The following CDRT4 variants were observed in gnomAD, a reference collection of about 807,000 sequenced individuals.
CDRT4 encodes CMT1A duplicated region transcript 4, also known as CMT1A duplicated region transcript 4 protein.
For missense variants in CDRT4, 167 were observed against 193.1 expected, an observed-to-expected ratio of 0.87 and a Z score of 0.80; for synonymous variants, 64 against 69.6, an observed-to-expected ratio of 0.92 and a Z score of 0.40.
chr17:15,452,572 G>A (rs1979310505), intron 2 of CDRT4: 1 of 152,206 alleles, frequency 6.6e-6, no homozygotes, highest in African/African-American at 2.4e-5. Flanking sequence ...ATGGCTCCAG[G>A]GATATCTTCT....
At chr17:15,439,932 G>C (rs1001528567) in intron 3 of CDRT4, among the ~76,000 whole-genome samples, 1 of 151,990 alleles carries the variant, frequency 6.6e-6, no homozygotes, top group African/African-American at 2.4e-5. Flanking sequence ...ACACACTGGG[G>C]CCTGTTTGTG....
rs1465961586 is a variant in CDRT4, at chr17:15,442,836, G to A, written c.-47-2551C>T. Among the ~76,000 whole-genome samples, 4 of 152,204 alleles carry A rather than the reference G, an allele frequency of 2.6e-5. No homozygotes were observed. In the East Asian group the frequency reaches 7.7e-4, roughly 29 times the overall value. ...GGACTTGTTTGTTTGAAAATAACAG[G>A]AGACAAATAGTTGACATTAAGTCTG... On this transcript the variant is annotated intron_variant, in intron 2 of 3. Coordinates refer to ENST00000619038, the MANE Select transcript of CDRT4 (RefSeq NM_001204477.2).
At chr17:15,457,926 T>C (rs768450285) in intron 1 of CDRT4, among the ~76,000 whole-genome samples, 2 of 152,186 alleles carry the variant, frequency 1.3e-5, no homozygotes, top group Non-Finnish European at 2.9e-5. Context: ...CCAGCTTGTG[T>C]GCAAAGGCCG....
Position 15,450,043 on chromosome 17 carries a change from A to G in CDRT4, c.-48+2961T>C, listed in dbSNP as rs1049631780. Among the ~76,000 whole-genome samples the G allele has an allele frequency of 3.9e-5, 6 of 152,250 alleles. No homozygotes were observed. The highest frequency in any genetic ancestry group is 1.3e-4 in the Admixed American group (2 of 15,280). ...ATATGAGTGCAGGTGTCTTTTTGAT[A>G]AAATGATTTATATTCCTTCAGGTAG... On this transcript the variant is annotated intron_variant, in intron 2 of 3. Transcript: ENST00000619038. This position sits in a 1 kb window ranked among gnomAD's most constrained non-coding sequence, Gnocchi z 4.2.
chr17:15,440,423 A>G, intron 2 of CDRT4, 138 bp from the exon 3 acceptor site: 1 of 1,010,728 alleles, frequency 9.9e-7, no homozygotes, highest in South Asian at 1.6e-5. Context: ...AGAAGAGGAC[A>G]TGTTTTTTGT....
At chr17:15,462,584 G>A (rs1040653081) in intron 1 of CDRT4, among the ~76,000 whole-genome samples, 1 of 152,020 alleles carries the variant, frequency 6.6e-6, no homozygotes, top group Non-Finnish European at 1.5e-5. Context: ...TCATTCAGAA[G>A]AATACTATAC....
At chr17:15,445,100 C>T (rs896506865) in intron 2 of CDRT4, among the ~76,000 whole-genome samples, 9 of 152,146 alleles carry the variant, frequency 5.9e-5, no homozygotes, top group African/African-American at 2.2e-4. Flanking sequence ...CAAATCGACC[C>T]CACTCAGACT....
intron 1 of CDRT4, among the ~76,000 whole-genome samples, chr17:15,459,461 G>A (rs1258998954): frequency 8.6e-5 from 1 of 11,654 alleles, no homozygotes; most frequent in East Asian, 2.5e-3. Context: ...TTTTTTTTTT[G>A]TGAGACAGAG....
At chr17:15,438,314 C>G (rs1245389099) in intron 3 of CDRT4, 114 bp from the exon 4 acceptor site, 6 of 914,466 alleles carry the variant, frequency 6.6e-6, no homozygotes, top group Non-Finnish European at 1.7e-6. Flanking sequence ...TATTTTGCAC[C>G]CCTTGTATTC....
rs1327124057 is a variant in CDRT4 at position 15,464,633 on chromosome 17, A to T, written c.-130+2827T>A. On this transcript the variant is annotated intron_variant, in intron 1 of 3. Coordinates refer to ENST00000619038, the MANE Select transcript of CDRT4 (RefSeq NM_001204477.2). This position sits in a 1 kb window ranked among gnomAD's most constrained non-coding sequence, Gnocchi z 4.5. ...GCTTCCCTCTGCTCCCCTCTCCAGC[A>T]CTTTTCCAAATGTCCCTCCTTATGC... Among the ~76,000 whole-genome samples, 1 of 151,938 alleles carries T rather than the reference A, an allele frequency of 6.6e-6. No homozygotes were observed. Among genetic ancestry groups the T allele is most frequent in the Admixed American group, 6.6e-5 (1 of 15,248 alleles).
chr17:15,452,529 T>G (rs561288000), intron 2 of CDRT4: 3 of 152,270 alleles, frequency 2.0e-5, no homozygotes, highest in Non-Finnish European at 4.4e-5. Context: ...CAATATGTGC[T>G]TTTACCAGGG....
rs1037933177 is a variant in CDRT4 at position 15,438,057 on chromosome 17, C to T, written c.175G>A (p.Glu59Lys). 4.3e-6 allele frequency: 7 copies of T among 1,613,994 alleles called. No homozygotes were observed. The Admixed American group carries it at 5.0e-5, about 12-fold the overall frequency. Residue 59 changes from glutamate to lysine, a missense_variant, in exon 4 of 4, where the codon GAG (glutamate) becomes AAG (lysine). Physicochemically the swap from Glu to Lys is moderately conservative, Grantham distance 56 (BLOSUM62 1). Coordinates refer to ENST00000619038, the MANE Select transcript of CDRT4 (RefSeq NM_001204477.2). The part of the protein sequence containing the change: ...TRELECMRAL[E>K]ERPWASRQNK... Reference sequence around the variant, plus strand: ...TGCCTTGATGCCCAGGGTCTTTCCTCGAGGGCACGCATGCATTCCAGTTCT... The same window carrying T: ...TGCCTTGATGCCCAGGGTCTTTCCTTGAGGGCACGCATGCATTCCAGTTCT...
rs184044983 is a variant in CDRT4, at chr17:15,464,377, G to A, written c.-130+3083C>T. Among the ~76,000 whole-genome samples the A allele has an allele frequency of 1.1e-3, 168 of 152,278 alleles. No individual in the cohort carries two copies. The highest frequency in any genetic ancestry group is 1.9e-3 in the Non-Finnish European group (132 of 68,016). ...CCTGGCACAAGTCAAAGGAGGAAAT[G>A]ATTAGCACGGGTCCATGAGCATTAC... On this transcript the variant is annotated intron_variant, in intron 1 of 3. Transcript: ENST00000619038. This position sits in a 1 kb window ranked among gnomAD's most constrained non-coding sequence, Gnocchi z 4.5.
intron 2 of CDRT4, among the ~76,000 whole-genome samples, chr17:15,449,886 G>A (rs1345792987): frequency 3.9e-5 from 6 of 152,170 alleles, no homozygotes; most frequent in African/African-American, 1.4e-4. Context: ...GCAAAGGACA[G>A]TCTTTCATTC....
At chr17:15,447,151 G>A (rs916111090) in intron 2 of CDRT4, among the ~76,000 whole-genome samples, 2 of 152,202 alleles carry the variant, frequency 1.3e-5, no homozygotes, top group Admixed American at 6.5e-5. Flanking sequence ...AGAAACAAAA[G>A]CAGAGGCCTC....
intron 2 of CDRT4, among the ~76,000 whole-genome samples, chr17:15,440,937 G>A (rs566672294): frequency 1.3e-5 from 2 of 152,104 alleles, no homozygotes; most frequent in African/African-American, 2.4e-5. Flanking sequence ...TTTAGCAACC[G>A]CTGTTTTAAG....
At chr17:15,438,240 A>G in intron 3 of CDRT4, 40 bp from the exon 4 acceptor site, 1 of 1,586,134 alleles carries the variant, frequency 6.3e-7, no homozygotes, top group East Asian at 2.2e-5. Flanking sequence ...AGAGGCAGTC[A>G]CATGCAATAG....
intron 2 of CDRT4, chr17:15,444,227 C>G (rs761706402): frequency 3.1e-5 from 23 of 748,944 alleles, no homozygotes; most frequent in Middle Eastern, 3.9e-4. Flanking sequence ...AACAAGATGC[C>G]GGATGATTCC....
chr17:15,436,970 T>C lies in CDRT4; in HGVS notation c.*803A>G, dbSNP rs1978520341. 2 of 151,960 alleles carry C rather than the reference T, an allele frequency of 1.3e-5. No individual in the cohort carries two copies. The highest frequency in any genetic ancestry group is 1.3e-4 in the Admixed American group (2 of 15,254). 9.4% of individuals were successfully genotyped at this position (151,960 alleles called of 1,614,324 possible). On this transcript the variant is annotated 3_prime_UTR_variant, in exon 4 of 4. Transcript: ENST00000619038. ...AAGTAGGAAGTGGCCCCTTGCTCAC[T>C]TCCTGTTTGCTTCCTGTTCACTTTC...
Sources: allele counts gnomAD v4.1 joint callset (sites outside exome capture counted in the v4.1 genomes callset), GRCh38; gene constraint gnomAD v4.1.1; non-coding constraint Gnocchi (gnomAD v3.1); transcripts MANE v1.5; gene names NCBI Gene and HGNC (gene_info 2026-07-23, HGNC 2026-07-21).